Variants in NKAIN2 observed in about 807,000 individuals in gnomAD.
The protein encoded by NKAIN2 is sodium/potassium-transporting ATPase subunit beta-1-interacting protein 2.
Under a neutral mutation model 32.6 loss-of-function variants are expected in NKAIN2, and 14 were observed. The ratio of observed to expected loss-of-function variants is 0.43; its 90% CI spans 0.28 to 0.67. NKAIN2 has a LOEUF of 0.67. Ranked by LOEUF, NKAIN2 falls within the 30% of genes least tolerant of loss-of-function variation. The probability of loss-of-function intolerance (pLI) is 0.17; values close to 1 mark genes in which losing one functional copy is unlikely to be tolerated. For missense variants in NKAIN2, 198 were observed against 258.3 expected, an observed-to-expected ratio of 0.77 and a Z score of 1.60; for synonymous variants, 80 against 87.2, an observed-to-expected ratio of 0.92 and a Z score of 0.46.
At chr6:124,247,141 T>C (rs950258499) in intron 1 of NKAIN2, among the ~76,000 whole-genome samples, 2 of 152,050 alleles carry the variant, frequency 1.3e-5, no homozygotes, top group Non-Finnish European at 2.9e-5. Flanking sequence ...TGTGATTAGA[T>C]TGTGCCCACC....
chr6:124,590,672 C>T (rs185232856), intron 3 of NKAIN2, among the ~76,000 whole-genome samples: 2 of 152,306 alleles, frequency 1.3e-5, no homozygotes, highest in Admixed American at 1.3e-4. Context: ...AAATCCAAGT[C>T]TTAGGTGACT....
intron 1 of NKAIN2, among the ~76,000 whole-genome samples, chr6:123,818,438 A>T (rs1168371536): frequency 6.6e-6 from 1 of 151,998 alleles, no homozygotes; most frequent in Admixed American, 6.6e-5. Flanking sequence ...TTGAAATAAT[A>T]TTAAGCTATT....
intron 1 of NKAIN2, among the ~76,000 whole-genome samples, chr6:124,009,818 T>C (rs560673456): frequency 6.6e-6 from 1 of 152,324 alleles, no homozygotes; most frequent in South Asian, 2.1e-4. Flanking sequence ...GTCCATTTTG[T>C]CACCTGCAGT....
chr6:124,209,071 C>T (rs969086147), intron 1 of NKAIN2, among the ~76,000 whole-genome samples: 2 of 151,118 alleles, frequency 1.3e-5, no homozygotes, highest in African/African-American at 4.9e-5. Context: ...AACCATTCTC[C>T]CTAACTGTAT....
At chr6:124,717,223 T>TTTTGCA (rs2114621841) in intron 4 of NKAIN2, among the ~76,000 whole-genome samples, 1 of 152,328 alleles carries the variant, frequency 6.6e-6, no homozygotes, top group Admixed American at 6.5e-5. Flanking sequence ...TATGTAAAAT[T>TTTTGCA]ATTCTATAAA....
intron 1 of NKAIN2, among the ~76,000 whole-genome samples, chr6:123,888,918 C>T (rs1773862414): frequency 6.6e-6 from 1 of 152,108 alleles, no homozygotes; most frequent in African/African-American, 2.4e-5. Flanking sequence ...GAGCTATTTT[C>T]AGCTCTGGCT....
At chr6:124,731,427 G>GAAAAC (rs1390464106) in intron 4 of NKAIN2, among the ~76,000 whole-genome samples, 1 of 150,334 alleles carries the variant, frequency 6.7e-6, no homozygotes, top group African/African-American at 2.5e-5. Context: ...GATGAAATTG[G>GAAAAC]AAAACATCAT....
At chr6:124,694,718 T>G (rs1364495277) in intron 4 of NKAIN2, among the ~76,000 whole-genome samples, 2 of 152,172 alleles carry the variant, frequency 1.3e-5, no homozygotes, top group Non-Finnish European at 2.9e-5. Flanking sequence ...TTTTTGGTGC[T>G]AGAAACGTGT....
intron 2 of NKAIN2, among the ~76,000 whole-genome samples, chr6:124,298,964 T>G (rs991672837): frequency 6.6e-6 from 1 of 152,224 alleles, no homozygotes; most frequent in Admixed American, 6.5e-5. Context: ...TTGTCCTTAG[T>G]AAAGAAATAA....
At chr6:124,307,728 A>G (rs1476216046) in intron 2 of NKAIN2, among the ~76,000 whole-genome samples, 2 of 152,182 alleles carry the variant, frequency 1.3e-5, no homozygotes, top group African/African-American at 2.4e-5. Context: ...TTATTAAAAT[A>G]TGACAGCTTT....
chr6:123,840,083 T>C (rs1774804050), intron 1 of NKAIN2, among the ~76,000 whole-genome samples: 1 of 152,082 alleles, frequency 6.6e-6, no homozygotes, highest in Admixed American at 6.5e-5. Flanking sequence ...CCTTGAAAGC[T>C]TTTTTTCTTC....
rs1255478963 is a variant in NKAIN2 at position 124,170,543 on chromosome 6, C to A, written c.55-112462C>A. Among the ~76,000 whole-genome samples, 5 of 152,250 alleles carry A rather than the reference C, an allele frequency of 3.3e-5. No individual in the cohort carries two copies. In the East Asian group the frequency reaches 9.7e-4, roughly 29 times the overall value. ...TGGACAATGAAAGTGTGCTGTAACT[C>A]ATTAGAGAACATTTCTCTGTATCAT... On this transcript the variant is annotated intron_variant, in intron 1 of 6. Coordinates refer to ENST00000368417, the MANE Select transcript of NKAIN2 (RefSeq NM_001040214.3).
At chr6:124,145,489 T>TTTTTTGTTTTTG (rs142539289) in intron 1 of NKAIN2, among the ~76,000 whole-genome samples, 3 of 150,118 alleles carry the variant, frequency 2.0e-5, no homozygotes, top group African/African-American at 4.9e-5. Flanking sequence ...CTGACAAACT[T>TTTTTTGTTTTTG]TTTTTGTTTT....
At chr6:123,825,764 T>C (rs1368205295) in intron 1 of NKAIN2, among the ~76,000 whole-genome samples, 1 of 152,108 alleles carries the variant, frequency 6.6e-6, no homozygotes, top group Non-Finnish European at 1.5e-5. Context: ...ACTGTGTGTG[T>C]TTAGAGATTT....
At chr6:124,787,006 A>T (rs984433331) in intron 4 of NKAIN2, among the ~76,000 whole-genome samples, 7 of 151,982 alleles carry the variant, frequency 4.6e-5, no homozygotes, top group Non-Finnish European at 1.0e-4. Flanking sequence ...TCTAAACTCC[A>T]CTTGGAAGAT....
chr6:123,896,377 C>G (rs184926403), intron 1 of NKAIN2, among the ~76,000 whole-genome samples: 2 of 151,756 alleles, frequency 1.3e-5, no homozygotes, highest in Non-Finnish European at 2.9e-5. Flanking sequence ...AATTTTTGCT[C>G]TCCCTTTATA....
chr6:123,929,054 T>G (rs1286173201), intron 1 of NKAIN2, among the ~76,000 whole-genome samples: 1 of 152,062 alleles, frequency 6.6e-6, no homozygotes, highest in Non-Finnish European at 1.5e-5. Flanking sequence ...ATGTTAGAAA[T>G]TAGGATTGTG....
intron 2 of NKAIN2, among the ~76,000 whole-genome samples, chr6:124,322,928 C>A (rs1170386272): frequency 1.3e-5 from 2 of 152,176 alleles, no homozygotes; most frequent in East Asian, 1.9e-4. Flanking sequence ...TCCTCACCAG[C>A]ATTTGGTATG....
chr6:124,715,375 C>T (rs983158285), intron 4 of NKAIN2, among the ~76,000 whole-genome samples: 5 of 152,156 alleles, frequency 3.3e-5, no homozygotes, highest in Admixed American at 1.3e-4. Context: ...ATTGTTCACG[C>T]GTCTTCTGAC....
Sources: allele counts gnomAD v4.1 joint callset (sites outside exome capture counted in the v4.1 genomes callset), GRCh38; gene constraint gnomAD v4.1.1; transcripts MANE v1.5; gene names NCBI Gene and HGNC (gene_info 2026-07-23, HGNC 2026-07-21).